Variants in CCDC66 observed in about 807,000 individuals in gnomAD.
The protein encoded by CCDC66 is coiled-coil domain-containing protein 66.
In CCDC66, 133 loss-of-function variants were observed where a neutral mutation model predicts 128.3. The observed-to-expected ratio is 1.04, with a 90% confidence interval of 0.90 to 1.20. CCDC66 has a LOEUF of 1.20. Among genes scored for constraint, CCDC66 ranks in the 50% most tolerant of loss-of-function variants. The pLI is 0.00. For missense variants in CCDC66, 1,126 were observed against 1,075.5 expected, an observed-to-expected ratio of 1.05 and a Z score of -0.66; for synonymous variants, 387 against 357.0, an observed-to-expected ratio of 1.08 and a Z score of -0.95.
intron 3 of CCDC66, among the ~76,000 whole-genome samples, chr3:56,562,558 G>A (rs1430768045): frequency 6.6e-6 from 1 of 152,102 alleles, no homozygotes; most frequent in African/African-American, 2.4e-5. Flanking sequence ...AAATTTTTAT[G>A]AGTACCTCTG....
At position 56,559,594 on chromosome 3, in the gene CCDC66, G is replaced by A; in HGVS notation, c.102G>A (p.Lys34=). Reference sequence around the variant, plus strand: ...AACATAAATCAAAAATTTCTGTGAAGGTAAGCCGTATAACTTTGACCTGAC... The same window carrying A: ...AACATAAATCAAAAATTTCTGTGAAAGTAAGCCGTATAACTTTGACCTGAC... ...PYEHKSKISV[K]MGNKAKIAKC... Residue 34 remains lysine, a splice_region_variant and synonymous_variant, in exon 3 of 18, where the codon AAG becomes AAA. Transcript: ENST00000394672. 6.5e-7 allele frequency: 1 copy of A among 1,532,934 alleles called. No individual in the cohort carries two copies. Among genetic ancestry groups the A allele is most frequent in the Admixed American group, 2.1e-5 (1 of 47,820 alleles). The allele number at this position is 1,532,934 out of a possible 1,614,324, so 95.0% of individuals were successfully genotyped here. A position where few individuals can be genotyped will look rare whatever the true frequency, so the allele number is the denominator to read the frequency against.
intron 7 of CCDC66, among the ~76,000 whole-genome samples, chr3:56,587,974 G>A (rs984448232): frequency 2.1e-4 from 32 of 152,144 alleles, no homozygotes; most frequent in East Asian, 1.5e-3. Context: ...GTCATTATAC[G>A]GAAAAGATAC....
chr3:56,597,425 T>G (rs955482196), intron 10 of CCDC66, among the ~76,000 whole-genome samples: 1 of 152,074 alleles, frequency 6.6e-6, no homozygotes, highest in Non-Finnish European at 1.5e-5. Flanking sequence ...TTTCTACTTC[T>G]GTGAAAAATG....
At chr3:56,592,260 A>C (rs1202663866) in intron 7 of CCDC66, among the ~76,000 whole-genome samples, 3 of 152,222 alleles carry the variant, frequency 2.0e-5, no homozygotes, top group Non-Finnish European at 4.4e-5. Flanking sequence ...TCTTGGTCCA[A>C]AGACAATATT....
chr3:56,559,487 C>T (rs1045765575), intron 2 of CCDC66, 82 bp from the exon 3 acceptor site: 11 of 877,444 alleles, frequency 1.3e-5, no homozygotes, highest in African/African-American at 1.8e-5. Context: ...AATCTTATAA[C>T]AATATTAATT....
chr3:56,612,859 A>T (rs2107326261), intron 10 of CCDC66, among the ~76,000 whole-genome samples: 2 of 152,290 alleles, frequency 1.3e-5, no homozygotes, highest in South Asian at 4.1e-4. Context: ...GGCTGGGCAG[A>T]CCTGCCCCCG....
rs2106946032 is a variant in CCDC66, at chr3:56,593,646, T to C, written c.1224T>C (p.Cys408=). Residue 408 remains cysteine (C), a synonymous_variant, in exon 9 of 18, where the codon TGT becomes TGC. Transcript: ENST00000394672. ...AGCTGGCTGATGTCAGCAGTGTTTG[T>C]ACACCTACAACCGGAAGCCAGGTTG... ...TQELADVSSV[C]TPTTGSQVEP... 6.2e-7 allele frequency: 1 copy of C among 1,614,214 alleles called. No individual in the cohort carries two copies. Among genetic ancestry groups the C allele is most frequent in the East Asian group, 2.2e-5 (1 of 44,882 alleles).
At chr3:56,572,561 T>C (rs1213703159) in intron 7 of CCDC66, 2 of 286,140 alleles carry the variant, frequency 7.0e-6, no homozygotes, top group African/African-American at 2.3e-5. Context: ...GAGTGTATTA[T>C]GCTTCATTTG....
At chr3:56,561,291 A>G (rs1559592169) in intron 3 of CCDC66, 1 of 456,612 alleles carries the variant, frequency 2.2e-6, no homozygotes, top group Non-Finnish European at 4.4e-6. Flanking sequence ...TTGTGAAGAC[A>G]TTTTATTGTC....
intron 7 of CCDC66, among the ~76,000 whole-genome samples, chr3:56,585,343 T>G: frequency 6.6e-6 from 1 of 151,152 alleles, no homozygotes; most frequent in Non-Finnish European, 1.5e-5. Context: ...TAAAATACAG[T>G]GAGGAAAAAG....
At chr3:56,586,618 CAAGAT>C (rs2069807980) in intron 7 of CCDC66, among the ~76,000 whole-genome samples, 1 of 151,158 alleles carries the variant, frequency 6.6e-6, no homozygotes, top group South Asian at 2.1e-4. Context: ...CAGTAAACAT[CAAGAT>C]AAATAGTAAT....
intron 7 of CCDC66, among the ~76,000 whole-genome samples, chr3:56,585,045 C>T (rs527626746): frequency 4.4e-4 from 65 of 148,682 alleles, no homozygotes; most frequent in Non-Finnish European, 8.1e-4. Context: ...GGCAGCAGTA[C>T]AGTCCAGCTT....
chr3:56,567,250 C>G (rs1464209456), intron 6 of CCDC66, among the ~76,000 whole-genome samples, 197 bp downstream of exon 6: 1 of 152,072 alleles, frequency 6.6e-6, no homozygotes, highest in Non-Finnish European at 1.5e-5. Flanking sequence ...ATTAGCTGGG[C>G]GTGGTGGTGC....
At chr3:56,561,415 GATTA>G in intron 3 of CCDC66, 7 of 355,366 alleles carry the variant, frequency 2.0e-5, no homozygotes, top group South Asian at 1.6e-4. Flanking sequence ...TTGGACTTTT[GATTA>G]CTAGACTTTT....
intron 7 of CCDC66, among the ~76,000 whole-genome samples, chr3:56,571,573 G>T (rs2066621674): frequency 6.6e-6 from 1 of 151,652 alleles, no homozygotes; most frequent in Non-Finnish European, 1.5e-5. Flanking sequence ...AATAGAGATG[G>T]TATTTCACCA....
At chr3:56,610,867 A>C (rs552830876) in intron 10 of CCDC66, among the ~76,000 whole-genome samples, 2 of 152,256 alleles carry the variant, frequency 1.3e-5, no homozygotes, top group African/African-American at 4.8e-5. Context: ...CAGTGAGTCT[A>C]CTTGGCTCCG....
intron 11 of CCDC66, 87 bp downstream of exon 11, chr3:56,613,837 G>C: frequency 9.0e-7 from 1 of 1,106,298 alleles, no homozygotes; most frequent in Non-Finnish European, 1.3e-6. Context: ...TTGGAGTGCA[G>C]TGGTGCAATC....
intron 15 of CCDC66, 53 bp downstream of exon 15, chr3:56,618,265 CA>C: frequency 2.1e-6 from 3 of 1,450,344 alleles, no homozygotes; most frequent in Non-Finnish European, 1.9e-6. Flanking sequence ...CTATGTGGGA[CA>C]AAAAAGGGAT....
At chr3:56,618,065 T>C (rs2075744894) in intron 14 of CCDC66, 107 bp from the exon 15 acceptor site, 1 of 905,448 alleles carries the variant, frequency 1.1e-6, no homozygotes, top group Non-Finnish European at 1.8e-6. Flanking sequence ...GTACCTGTTA[T>C]TCAAATATTA....
Sources: gnomAD v4.1 joint callset for allele counts (sites outside exome capture counted in the v4.1 genomes callset) on GRCh38, gnomAD v4.1.1 for gene constraint, MANE v1.5 for transcripts, NCBI Gene and HGNC (gene_info 2026-07-23, HGNC 2026-07-21) for gene names.